DESI2: variants seen among roughly 807,000 people sequenced by gnomAD.
DESI2 encodes the protein desumoylating isopeptidase 2.
In DESI2, 10 loss-of-function variants were observed where a neutral mutation model predicts 24.1. The ratio of observed to expected loss-of-function variants is 0.41; its 90% CI spans 0.26 to 0.70. The LOEUF (loss-of-function observed/expected upper bound fraction) is 0.70. Among genes scored for constraint, DESI2 ranks in the 30% least tolerant of loss-of-function variants. The pLI is 0.29. For missense variants in DESI2, 122 were observed against 234.9 expected (o/e 0.52, Z 3.14); for synonymous variants, 71 against 87.7 (o/e 0.81, Z 1.06).
intron 1 of DESI2, 75 bp from the exon 2 acceptor site, chr1:244,686,522 G>A (rs1272107803): frequency 3.4e-6 from 3 of 889,908 alleles, no homozygotes; most frequent in Non-Finnish European, 3.7e-6. Context: ...AGACTGGGGA[G>A]CAGTCACTTC....
At chr1:244,670,933 A>G (rs1259258625) in intron 1 of DESI2, among the ~76,000 whole-genome samples, 1 of 152,244 alleles carries the variant, frequency 6.6e-6, no homozygotes, top group African/African-American at 2.4e-5. Flanking sequence ...ATTAATGAAA[A>G]TATAATAGAA....
chr1:244,696,478 G>A (rs1437273217), intron 4 of DESI2, among the ~76,000 whole-genome samples: 1 of 152,162 alleles, frequency 6.6e-6, no homozygotes, highest in African/African-American at 2.4e-5. Flanking sequence ...AAATTAGCTA[G>A]GCACGGTGGT....
At chr1:244,661,186 C>CT (rs1272999945) in intron 1 of DESI2, among the ~76,000 whole-genome samples, 5 of 152,192 alleles carry the variant, frequency 3.3e-5, no homozygotes, top group Admixed American at 2.0e-4. Flanking sequence ...TCTCCCTCCC[C>CT]TCAGTCCCTG....
chr1:244,706,083 G>T lies in DESI2; in HGVS notation c.*294G>T, dbSNP rs1370917587. 6.8e-6 allele frequency: 2 copies of T among 295,844 alleles called. No individual in the cohort carries two copies. Among genetic ancestry groups the T allele is most frequent in the East Asian group, 7.4e-5 (1 of 13,604 alleles). 18.3% of individuals were successfully genotyped at this position (295,844 alleles called of 1,614,324 possible). A position where few individuals can be genotyped will look rare whatever the true frequency, so the allele number is the denominator to read the frequency against. On this transcript the variant is annotated 3_prime_UTR_variant, in exon 5 of 5. Transcript: ENST00000302550. ...TATGTTTACAGTATCTTGTATCGCT[G>T]TTTACAAATCTTGCATGGACTCCTG...
chr1:244,684,783 T>C (rs1464292644), intron 1 of DESI2, among the ~76,000 whole-genome samples: 1 of 152,232 alleles, frequency 6.6e-6, no homozygotes, highest in Non-Finnish European at 1.5e-5. Flanking sequence ...AGTATTTCTA[T>C]AGAATAGATT....
intron 4 of DESI2, among the ~76,000 whole-genome samples, chr1:244,699,290 A>C (rs1677344737): frequency 2.0e-5 from 3 of 152,112 alleles, no homozygotes; most frequent in Non-Finnish European, 4.4e-5. Context: ...ACATTATATA[A>C]AAATATTTTC....
chr1:244,663,369 G>A (rs942680701), intron 1 of DESI2, among the ~76,000 whole-genome samples: 1 of 151,778 alleles, frequency 6.6e-6, no homozygotes, highest in African/African-American at 2.4e-5. Context: ...GTAGAGACGG[G>A]GTTTCACCAT....
chr1:244,700,622 C>T (rs1677410317), intron 4 of DESI2, among the ~76,000 whole-genome samples: 1 of 152,154 alleles, frequency 6.6e-6, no homozygotes, highest in Admixed American at 6.5e-5. Flanking sequence ...TAGCTCCTCA[C>T]CCCCACCAGT....
At chr1:244,684,516 G>T (rs951611260) in intron 1 of DESI2, among the ~76,000 whole-genome samples, 1 of 150,798 alleles carries the variant, frequency 6.6e-6, no homozygotes, top group African/African-American at 2.5e-5. Flanking sequence ...ATGTGATCAT[G>T]CTACACATAT....
intron 1 of DESI2, among the ~76,000 whole-genome samples, chr1:244,655,004 A>G (rs1675598349): frequency 6.6e-6 from 1 of 152,204 alleles, no homozygotes; most frequent in South Asian, 2.1e-4. Flanking sequence ...TTTACCTTTT[A>G]TATGAAAACG....
rs563554529 is a variant in DESI2, at chr1:244,700,065, G to T, written c.352-5491G>T. Among the ~76,000 whole-genome samples, 104 of 152,160 alleles carry T rather than the reference G, an allele frequency of 6.8e-4. 3 individuals carry two copies. Among genetic ancestry groups the T allele is most frequent in the Non-Finnish European group, 5.4e-4 (37 of 68,022 alleles). On this transcript the variant is annotated intron_variant, in intron 4 of 4. Coordinates refer to ENST00000302550, the MANE Select transcript of DESI2 (RefSeq NM_016076.5). Reference sequence around the variant, plus strand: ...CCTCTGAAACAAAAACTCAAACTAAGTTTTCAGGCTGGAGTGGAAACCTGT... The same window carrying T: ...CCTCTGAAACAAAAACTCAAACTAATTTTTCAGGCTGGAGTGGAAACCTGT...
chr1:244,661,652 A>G (rs1675848450), intron 1 of DESI2, among the ~76,000 whole-genome samples: 1 of 151,670 alleles, frequency 6.6e-6, no homozygotes, highest in African/African-American at 2.4e-5. Flanking sequence ...GAGTGAGAAC[A>G]TGCGGTGTTT....
chr1:244,703,251 C>T (rs1395277928), intron 4 of DESI2, among the ~76,000 whole-genome samples: 1 of 152,196 alleles, frequency 6.6e-6, no homozygotes, highest in Non-Finnish European at 1.5e-5. Flanking sequence ...ATCCACCTAC[C>T]TCTGCCTCCC....
rs571706696 is a variant in DESI2, at chr1:244,704,876, T to C, written c.352-680T>C. Among the ~76,000 whole-genome samples the C allele has an allele frequency of 5.3e-5, 8 of 152,296 alleles. No homozygotes were observed. The South Asian group carries it at 1.5e-3, about 28-fold the overall frequency. ...GGTTTCACCATACTGGCCAGGCTGG[T>C]CTCGAACTCCTGACCTCGTAATTCA... On this transcript the variant is annotated intron_variant, in intron 4 of 4. Transcript: ENST00000302550.
intron 1 of DESI2, among the ~76,000 whole-genome samples, chr1:244,674,011 T>C (rs1237600526): frequency 3.3e-4 from 18 of 54,528 alleles, no homozygotes; most frequent in African/African-American, 1.0e-3. Flanking sequence ...TTTTTTTTTT[T>C]TGAGACGGAG....
rs976370887 is a variant in DESI2, at chr1:244,707,556, C to G, written c.*1767C>G. 6.6e-6 allele frequency: 1 copy of G among 152,522 alleles called. No homozygotes were observed. Among genetic ancestry groups the G allele is most frequent in the Non-Finnish European group, 1.5e-5 (1 of 68,050 alleles). The allele number at this position is 152,522 out of a possible 1,614,324, so 9.4% of individuals were successfully genotyped here. A position where few individuals can be genotyped will look rare whatever the true frequency, so the allele number is the denominator to read the frequency against. On this transcript the variant is annotated 3_prime_UTR_variant, in exon 5 of 5. Transcript: ENST00000302550. ...AAAATGAGGGCAAAACACTAAGGCT[C>G]TAGCAGTGACTTGTTCACTAAAAAG...
At chr1:244,674,692 C>G (rs899301604) in intron 1 of DESI2, among the ~76,000 whole-genome samples, 1 of 152,210 alleles carries the variant, frequency 6.6e-6, no homozygotes, top group African/African-American at 2.4e-5. Flanking sequence ...TCAAATACCT[C>G]ATTCCTTTTT....
At chr1:244,653,737 C>T in intron 1 of DESI2, 1 of 351,840 alleles carries the variant, frequency 2.8e-6, no homozygotes, top group Non-Finnish European at 5.4e-6. Flanking sequence ...CCCGTCCCGA[C>T]CGCCTGCGCT....
At chr1:244,703,221 C>T (rs1045245831) in intron 4 of DESI2, among the ~76,000 whole-genome samples, 6 of 152,010 alleles carry the variant, frequency 3.9e-5, no homozygotes, top group African/African-American at 1.2e-4. Flanking sequence ...AGGCTGGTCT[C>T]GAACTGCTGA....
Sources: gnomAD v4.1 joint callset for allele counts (sites outside exome capture counted in the v4.1 genomes callset) on GRCh38, gnomAD v4.1.1 for gene constraint, MANE v1.5 for transcripts, NCBI Gene and HGNC (gene_info 2026-07-23, HGNC 2026-07-21) for gene names.